CDH12: variants seen among roughly 807,000 people sequenced by gnomAD.
CDH12 encodes the protein cadherin-12.
CDH12 carries 41 observed loss-of-function variants against 74.1 expected under a neutral mutation model. The observed-to-expected ratio is 0.55, with a 90% CI of 0.43 to 0.72. The LOEUF is 0.72. Ranked by LOEUF, CDH12 falls within the 30% of genes least tolerant of loss-of-function variation. The pLI is 0.00. For synonymous variants in CDH12, 399 were observed against 355.0 expected (o/e 1.12, Z -1.39); for missense variants, 945 against 977.2 (o/e 0.97, Z 0.44).
chr5:22,296,220 T>C (rs566451353), intron 3 of CDH12, among the ~76,000 whole-genome samples: 3 of 152,108 alleles, frequency 2.0e-5, no homozygotes, highest in African/African-American at 7.2e-5. Flanking sequence ...ATTTTAGCAG[T>C]AGGAAAATGT....
chr5:22,324,835 C>T (rs944807003), intron 3 of CDH12, among the ~76,000 whole-genome samples: 10 of 152,138 alleles, frequency 6.6e-5, no homozygotes, highest in South Asian at 4.1e-4. Flanking sequence ...GTTTCCATCA[C>T]GCTAATTTGT....
intron 6 of CDH12, chr5:21,889,877 T>C: frequency 2.0e-6 from 2 of 984,958 alleles, no homozygotes; most frequent in South Asian, 9.4e-5. Context: ...GAGCTGCTTT[T>C]CTTAGCATAT....
At chr5:21,991,360 T>C (rs1458015188) in intron 5 of CDH12, among the ~76,000 whole-genome samples, 1 of 151,710 alleles carries the variant, frequency 6.6e-6, no homozygotes, top group Non-Finnish European at 1.5e-5. Flanking sequence ...ACTACACAGA[T>C]TTGTGCATGT....
intron 5 of CDH12, among the ~76,000 whole-genome samples, chr5:21,979,569 C>A (rs1336789260): frequency 1.3e-5 from 2 of 152,116 alleles, no homozygotes; most frequent in Non-Finnish European, 2.9e-5. Context: ...GAAACTACTG[C>A]ACAAAAATAA....
At chr5:22,093,192 T>G (rs576281695) in intron 4 of CDH12, among the ~76,000 whole-genome samples, 28 of 152,294 alleles carry the variant, frequency 1.8e-4, no homozygotes, top group African/African-American at 6.5e-4. Context: ...AGCTTATCTA[T>G]TACTAGCAGG....
intron 5 of CDH12, among the ~76,000 whole-genome samples, chr5:22,035,382 C>CTG (rs146264911): frequency 6.8e-6 from 1 of 148,070 alleles, no homozygotes; most frequent in Admixed American, 6.7e-5. Flanking sequence ...TTTCTCTGGC[C>CTG]TGTGTATATA....
intron 1 of CDH12, among the ~76,000 whole-genome samples, chr5:22,527,930 C>T (rs563428091): frequency 6.6e-6 from 1 of 152,258 alleles, no homozygotes; most frequent in African/African-American, 2.4e-5. Flanking sequence ...TCGATAAATT[C>T]ATCCTGGTTC....
At chr5:22,641,596 C>A (rs1739154556) in intron 1 of CDH12, among the ~76,000 whole-genome samples, 1 of 152,124 alleles carries the variant, frequency 6.6e-6, no homozygotes, top group African/African-American at 2.4e-5. Context: ...CATACCTGCT[C>A]TGCCCAAGCC....
intron 4 of CDH12, among the ~76,000 whole-genome samples, chr5:22,174,586 G>T (rs1262216329): frequency 6.6e-6 from 1 of 151,914 alleles, no homozygotes; most frequent in Non-Finnish European, 1.5e-5. Flanking sequence ...GTAAGAAATG[G>T]AATGATTAAT....
At chr5:22,189,854 C>CT (rs915665190) in intron 4 of CDH12, among the ~76,000 whole-genome samples, 6 of 151,978 alleles carry the variant, frequency 3.9e-5, no homozygotes, top group African/African-American at 1.5e-4. Flanking sequence ...ACATCTTCCC[C>CT]CCGCCTATCC....
chr5:21,789,437 G>T (rs1746373341), intron 10 of CDH12, among the ~76,000 whole-genome samples: 1 of 152,056 alleles, frequency 6.6e-6, no homozygotes, highest in Admixed American at 6.6e-5. Context: ...CCAAGTTTTA[G>T]TAGCTTTTCT....
intron 1 of CDH12, among the ~76,000 whole-genome samples, chr5:22,699,216 T>G (rs1742582191): frequency 6.6e-6 from 1 of 152,210 alleles, no homozygotes; most frequent in African/African-American, 2.4e-5. Context: ...ATCATCTGTC[T>G]TTTAGAACTT....
At chr5:21,902,049 A>G (rs1753413688) in intron 6 of CDH12, among the ~76,000 whole-genome samples, 1 of 152,152 alleles carries the variant, frequency 6.6e-6, no homozygotes, top group African/African-American at 2.4e-5. Context: ...ACAGATGAAG[A>G]TATCACTGGA....
At chr5:22,580,836 C>T (rs556717786) in intron 1 of CDH12, 19 of 185,140 alleles carry the variant, frequency 1.0e-4, no homozygotes, top group East Asian at 2.8e-4. Flanking sequence ...GTTATCATTG[C>T]TATGTTTTAG....
intron 4 of CDH12, among the ~76,000 whole-genome samples, chr5:22,204,853 T>C (rs1211176037): frequency 6.6e-6 from 1 of 152,158 alleles, no homozygotes; most frequent in Non-Finnish European, 1.5e-5. Flanking sequence ...GCCTCTCTGT[T>C]TAAGTCAGGA....
At chr5:22,020,871 G>A (rs1467189788) in intron 5 of CDH12, among the ~76,000 whole-genome samples, 1 of 151,548 alleles carries the variant, frequency 6.6e-6, no homozygotes, top group East Asian at 1.9e-4. Flanking sequence ...TCAGTACATA[G>A]CACAGGGACT....
chr5:22,562,117 A>T (rs1360469053), intron 1 of CDH12, among the ~76,000 whole-genome samples: 1 of 152,172 alleles, frequency 6.6e-6, no homozygotes, highest in Non-Finnish European at 1.5e-5. Flanking sequence ...GGAGATCGAG[A>T]CCATCCCAGC....
intron 8 of CDH12, among the ~76,000 whole-genome samples, chr5:21,834,649 A>G (rs750043045): frequency 2.6e-5 from 4 of 152,142 alleles, no homozygotes; most frequent in African/African-American, 9.6e-5. Context: ...GTATATTTGT[A>G]TAATTGAAAC....
chr5:21,878,995 T>C (rs1752100670), intron 6 of CDH12, among the ~76,000 whole-genome samples: 1 of 152,062 alleles, frequency 6.6e-6, no homozygotes, highest in Admixed American at 6.5e-5. Context: ...ATGTCTATGT[T>C]GATATTCTAT....
Sources: gnomAD v4.1 joint callset for allele counts (sites outside exome capture counted in the v4.1 genomes callset) on GRCh38, gnomAD v4.1.1 for gene constraint, MANE v1.5 for transcripts, NCBI Gene and HGNC (gene_info 2026-07-23, HGNC 2026-07-21) for gene names.